The following KIAA2012 variants were observed in gnomAD, a reference collection of about 807,000 sequenced individuals.
KIAA2012 encodes KIAA2012.
In KIAA2012, 125 loss-of-function variants were observed where a neutral mutation model predicts 150.6. That is an observed-to-expected ratio of 0.83 (90% CI 0.72 to 0.96). KIAA2012 has a LOEUF of 0.96. Among genes scored for constraint, KIAA2012 ranks in the 40% least tolerant of loss-of-function variants. The pLI is 0.00. For synonymous variants in KIAA2012, 462 were observed against 504.7 expected, an observed-to-expected ratio of 0.92 and a Z score of 1.13; for missense variants, 1,219 against 1,354.9, an observed-to-expected ratio of 0.90 and a Z score of 1.57.
chr2:202,160,313 C>CTTTT (rs774846619), intron 14 of KIAA2012, among the ~76,000 whole-genome samples: 8 of 122,214 alleles, frequency 6.5e-5, no homozygotes, highest in African/African-American at 1.2e-4. Flanking sequence ...TTCATAAGGT[C>CTTTT]TTTTTTTTTT....
intron 15 of KIAA2012, chr2:202,179,991 G>A: frequency 3.3e-6 from 2 of 604,216 alleles, no homozygotes; most frequent in Non-Finnish European, 6.0e-6. Context: ...CTGCCAGCCG[G>A]GTGGGCGCGG....
At chr2:202,190,608 C>T in intron 19 of KIAA2012, 115 bp downstream of exon 19, 1 of 765,216 alleles carries the variant, frequency 1.3e-6, no homozygotes, top group Non-Finnish European at 2.1e-6. Context: ...GCTCGACCAC[C>T]TAATGGTCTT....
intron 14 of KIAA2012, 138 bp downstream of exon 14, chr2:202,154,948 C>A: frequency 3.1e-6 from 3 of 980,498 alleles, no homozygotes; most frequent in African/African-American, 1.7e-5. Flanking sequence ...AGAAAATAGG[C>A]AGTTTGTAGC....
rs568674175 is a variant in KIAA2012, at chr2:202,097,532, AC to A, written c.785del (p.Pro262HisfsTer19). The stretch of plus-strand genomic sequence containing the variant: ...ATGGCAGTCAGGGGACTCGCTTGCC[AC>A]CACGCAGGAAGCAGCCCTGGCAGGA... ...NHGSQGTRLPPRRKQPWQEDE... is the reference protein window; with the variant it reads ...NHGSQGTRLPXRRKQPWQEDE... On this transcript the variant is annotated frameshift_variant, in exon 5 of 24. Transcript: ENST00000498697. LOFTEE classifies it high-confidence loss of function. 398 of 1,549,964 alleles carry A rather than the reference AC, an allele frequency of 2.6e-4. 2 individuals are homozygous for A. In the African/African-American group the frequency reaches 4.7e-3, roughly 18 times the overall value.
chr2:202,082,098 G>A (rs973219385), intron 2 of KIAA2012, among the ~76,000 whole-genome samples: 19 of 152,082 alleles, frequency 1.2e-4, no homozygotes, highest in African/African-American at 4.1e-4. Context: ...TTTTATGTGC[G>A]TGTTGACCAT....
intron 13 of KIAA2012, among the ~76,000 whole-genome samples, chr2:202,149,953 G>A (rs1245650899): frequency 6.6e-6 from 1 of 152,228 alleles, no homozygotes; most frequent in Non-Finnish European, 1.5e-5. Context: ...AGATGCGTCT[G>A]TAATTTTAAT....
chr2:202,189,402 C>A (rs558436387), intron 18 of KIAA2012, among the ~76,000 whole-genome samples: 19 of 151,710 alleles, frequency 1.3e-4, no homozygotes, highest in African/African-American at 4.6e-4. Context: ...AGCAATTCTT[C>A]TGCCTCAGCC....
At chr2:202,098,999 T>TG (rs1689974043) in intron 5 of KIAA2012, among the ~76,000 whole-genome samples, 1 of 67,076 alleles carries the variant, frequency 1.5e-5, no homozygotes, top group Non-Finnish European at 3.0e-5. Context: ...TGGGGGGTGG[T>TG]GGGGGAGGGA....
At chr2:202,081,000 A>T (rs1689439429) in intron 2 of KIAA2012, among the ~76,000 whole-genome samples, 2 of 151,992 alleles carry the variant, frequency 1.3e-5, no homozygotes, top group South Asian at 4.2e-4. Flanking sequence ...GTAACTCCCC[A>T]TTTCCCTCTG....
chr2:202,181,318 G>A (rs1226818666), intron 15 of KIAA2012, among the ~76,000 whole-genome samples: 1 of 152,194 alleles, frequency 6.6e-6, no homozygotes, highest in Admixed American at 6.5e-5. Context: ...GCTTATGCCT[G>A]TCATGTCAAC....
intron 10 of KIAA2012, among the ~76,000 whole-genome samples, chr2:202,110,412 C>G (rs1271568581): frequency 6.6e-6 from 1 of 152,162 alleles, no homozygotes; most frequent in Non-Finnish European, 1.5e-5. Flanking sequence ...GCTCATAGAG[C>G]AAAAATGGCT....
chr2:202,195,520 TA>T (rs1306426912), intron 21 of KIAA2012, among the ~76,000 whole-genome samples: 88 of 141,128 alleles, frequency 6.2e-4, no homozygotes, highest in East Asian at 1.0e-3. Flanking sequence ...AGACTCTGTC[TA>T]AAAAAAAAAA....
intron 14 of KIAA2012, among the ~76,000 whole-genome samples, chr2:202,159,394 CAG>C (rs983460306): frequency 1.4e-5 from 2 of 144,588 alleles, no homozygotes; most frequent in Non-Finnish European, 3.1e-5. Context: ...AAAAAAAAAA[CAG>C]AATTAAGTAT....
At chr2:202,189,391 A>G (rs554637498) in intron 18 of KIAA2012, among the ~76,000 whole-genome samples, 53 of 151,554 alleles carry the variant, frequency 3.5e-4, no homozygotes, top group African/African-American at 1.2e-3. Context: ...TCCTGGGTTC[A>G]AGCAATTCTT....
chr2:202,174,248 C>A (rs898496594), intron 15 of KIAA2012, among the ~76,000 whole-genome samples: 4 of 152,098 alleles, frequency 2.6e-5, no homozygotes, highest in Non-Finnish European at 1.5e-5. Context: ...TACAGGCATG[C>A]GGCACTGCGC....
intron 15 of KIAA2012, chr2:202,179,338 G>T (rs1692068896): frequency 2.8e-6 from 3 of 1,084,810 alleles, no homozygotes; most frequent in East Asian, 2.7e-5. Flanking sequence ...CATTCAGCCC[G>T]TCTGATAAAC....
chr2:202,201,135 C>G (rs2105757309), intron 22 of KIAA2012, among the ~76,000 whole-genome samples: 1 of 152,310 alleles, frequency 6.6e-6, no homozygotes, highest in East Asian at 1.9e-4. Context: ...CTTAGGGCAG[C>G]TTCGCCCACA....
chr2:202,118,141 C>T (rs1690571683), intron 11 of KIAA2012, among the ~76,000 whole-genome samples: 1 of 152,124 alleles, frequency 6.6e-6, no homozygotes, highest in Admixed American at 6.5e-5. Context: ...ATAGAGTCCA[C>T]AATCCATCCA....
At chr2:202,150,239 C>G (rs965570301) in intron 13 of KIAA2012, among the ~76,000 whole-genome samples, 4 of 152,202 alleles carry the variant, frequency 2.6e-5, no homozygotes, top group African/African-American at 9.7e-5. Flanking sequence ...TCAGCTTTAC[C>G]AAATTAACTC....
Sources: allele counts gnomAD v4.1 joint callset (sites outside exome capture counted in the v4.1 genomes callset), GRCh38; gene constraint gnomAD v4.1.1; transcripts MANE v1.5; gene names NCBI Gene and HGNC (gene_info 2026-07-23, HGNC 2026-07-21).